Variants in MDH2 observed in about 807,000 individuals in gnomAD.
The protein encoded by MDH2 is malate dehydrogenase 2, also known as malate dehydrogenase, mitochondrial.
MDH2 carries 25 observed loss-of-function variants against 33.6 expected under a neutral mutation model. The observed-to-expected ratio is 0.74, with a 90% CI of 0.54 to 1.04. MDH2 has a LOEUF of 1.04. Among genes scored for constraint, MDH2 ranks in the 50% least tolerant of loss-of-function variants. The pLI, the probability that MDH2 is intolerant of heterozygous loss-of-function variation, is 0.00. For missense variants in MDH2, 432 were observed against 445.0 expected, an observed-to-expected ratio of 0.97 and a Z score of 0.26; for synonymous variants, 193 against 188.7, an observed-to-expected ratio of 1.02 and a Z score of -0.19.
Position 76,067,154 on chromosome 7 carries a change from A to G in MDH2, c.*744A>G, listed in dbSNP as rs782682998. On this transcript the variant is annotated 3_prime_UTR_variant, in exon 9 of 9. Transcript: ENST00000315758. ...TTTCCATCAGTGGCCTAAAGAAGGG[A>G]CTTCTTGTTGTACTGAGGAGTGCGG... 5 of 152,202 alleles carry G rather than the reference A, an allele frequency of 3.3e-5. No individual in the cohort carries two copies. Among genetic ancestry groups the G allele is most frequent in the Non-Finnish European group, 7.3e-5 (5 of 68,086 alleles). The allele number at this position is 152,202 out of a possible 1,614,324, so 9.4% of individuals were successfully genotyped here.
intron 4 of MDH2, among the ~76,000 whole-genome samples, chr7:76,060,029 C>T (rs868915283): frequency 2.0e-5 from 3 of 152,122 alleles, no homozygotes; most frequent in Admixed American, 6.5e-5. Context: ...AGCACACAGC[C>T]GCTGTGCACT....
chr7:76,055,071 T>A, intron 2 of MDH2, 73 bp downstream of exon 2: 1 of 1,494,518 alleles, frequency 6.7e-7, no homozygotes, highest in Non-Finnish European at 9.0e-7. Flanking sequence ...TGAGTAAGAT[T>A]CTTAGATGAA....
At chr7:76,052,178 T>C (rs1797646145) in intron 1 of MDH2, among the ~76,000 whole-genome samples, 1 of 152,140 alleles carries the variant, frequency 6.6e-6, no homozygotes, top group Non-Finnish European at 1.5e-5. Context: ...AGATTAATTC[T>C]TTGTTAGATA....
At chr7:76,063,095 C>T (rs1563551891) in intron 5 of MDH2, among the ~76,000 whole-genome samples, 1 of 152,128 alleles carries the variant, frequency 6.6e-6, no homozygotes, top group Non-Finnish European at 1.5e-5. Flanking sequence ...TTCTGTGGGG[C>T]CTGAAGAAAA....
intron 1 of MDH2, among the ~76,000 whole-genome samples, chr7:76,050,369 C>G (rs1234840471): frequency 2.6e-5 from 4 of 152,190 alleles, no homozygotes; most frequent in African/African-American, 9.6e-5. Flanking sequence ...AGGCCTCACG[C>G]AGAGTGAGAT....
chr7:76,055,281 C>T lies in MDH2; in HGVS notation c.235+283C>T, dbSNP rs1554586098. On this transcript the variant is annotated intron_variant, in intron 2 of 8. Transcript: ENST00000315758. ...GGGAAGAGGGAAGTGTCAGCAACCT[C>T]TGGTGAGGATTTGGGGACAGTAAGG... 2.6e-5 allele frequency among the ~76,000 whole-genome samples: 4 copies of T among 152,110 alleles called. No homozygotes were observed. The South Asian group carries it at 8.3e-4, about 32-fold the overall frequency.
At position 76,066,608 on chromosome 7, in the gene MDH2, T is replaced by G. The variant is rs1798104166; in HGVS notation, c.*198T>G. On this transcript the variant is annotated 3_prime_UTR_variant, in exon 9 of 9. Transcript: ENST00000315758. Reference sequence around the variant, plus strand: ...TGATTTTATTTTTCAAGGTCCCTTCTGTAAATGCTGTGCTTTCTTCCCTGT... The same window carrying G: ...TGATTTTATTTTTCAAGGTCCCTTCGGTAAATGCTGTGCTTTCTTCCCTGT... 1.8e-6 allele frequency: 1 copy of G among 561,516 alleles called. No homozygotes were observed. Among genetic ancestry groups the G allele is most frequent in the Admixed American group, 3.8e-5 (1 of 26,156 alleles). 34.8% of individuals were successfully genotyped at this position (561,516 alleles called of 1,614,324 possible). A position where few individuals can be genotyped will look rare whatever the true frequency, so the allele number is the denominator to read the frequency against.
At chr7:76,058,874 G>T (rs1480457618) in intron 4 of MDH2, among the ~76,000 whole-genome samples, 1 of 152,214 alleles carries the variant, frequency 6.6e-6, no homozygotes, top group African/African-American at 2.4e-5. Flanking sequence ...AGACGCATGG[G>T]TATGCTGGGC....
chr7:76,052,498 C>T (rs10251030), intron 1 of MDH2, among the ~76,000 whole-genome samples: 1 of 148,760 alleles, frequency 6.7e-6, no homozygotes, highest in Non-Finnish European at 1.5e-5. Flanking sequence ...GTGGGATTGT[C>T]TTGGCCACTC....
chr7:76,054,204 G>A (rs1563546246), intron 1 of MDH2, among the ~76,000 whole-genome samples: 1 of 152,030 alleles, frequency 6.6e-6, no homozygotes, highest in Non-Finnish European at 1.5e-5. Context: ...GACTCACCAG[G>A]AGGGTTGGAG....
Position 76,060,448 on chromosome 7 carries a change from G to GT in MDH2, c.506dup (p.Thr170AspfsTer72). On this transcript the variant is annotated frameshift_variant, in exon 5 of 9. Transcript: ENST00000315758. LOFTEE classifies it high-confidence loss of function. ...GTACAACCCCAACAAAATCTTCGGC[G>GT]TGACGACCCTGGACATCGTCAGAGC... The GT allele has an allele frequency of 3.1e-6, 5 of 1,614,126 alleles. No individual in the cohort carries two copies. Among genetic ancestry groups the GT allele is most frequent in the Non-Finnish European group, 4.2e-6 (5 of 1,180,032 alleles).
rs915570872 is a variant in MDH2, at chr7:76,048,992, G to T, written c.66+766G>T. ...GAAGCTTAAGACTGCGGGGGGGGGG[G>T]GGGGGGTCCGCATTTTTACCAGGTG... On this transcript the variant is annotated intron_variant, in intron 1 of 8. Transcript: ENST00000315758. The T allele has an allele frequency of 8.1e-4, 329 of 406,090 alleles. 32 individuals are homozygous for T. Among genetic ancestry groups the T allele is most frequent in the African/African-American group, 2.6e-3 (77 of 29,490 alleles). 25.2% of individuals were successfully genotyped at this position (406,090 alleles called of 1,614,324 possible).
At chr7:76,048,577 G>T (rs1797419680) in intron 1 of MDH2, 5 of 1,313,374 alleles carry the variant, frequency 3.8e-6, no homozygotes, top group Non-Finnish European at 4.8e-6. Flanking sequence ...TTTCTGCAGC[G>T]TTCCATTGCT....
chr7:76,063,617 G>A (rs781800379), intron 6 of MDH2, 25 bp downstream of exon 6: 1 of 1,606,434 alleles, frequency 6.2e-7, no homozygotes, highest in South Asian at 1.1e-5. Context: ...CCCTGTGAGG[G>A]GCTTCGAGGT....
chr7:76,063,402 G>C (rs1798005627), intron 5 of MDH2, 113 bp from the exon 6 acceptor site: 3 of 1,007,292 alleles, frequency 3.0e-6, no homozygotes, highest in Non-Finnish European at 4.6e-6. Flanking sequence ...AGCTGGCTCT[G>C]TTCCACCCTG....
At chr7:76,058,650 T>C (rs1177769368) in intron 4 of MDH2, among the ~76,000 whole-genome samples, 1 of 152,212 alleles carries the variant, frequency 6.6e-6, no homozygotes, top group African/African-American at 2.4e-5. Context: ...AAAAGTTATT[T>C]CTTTCCCTTT....
At chr7:76,055,251 G>C (rs1025966568) in intron 2 of MDH2, among the ~76,000 whole-genome samples, 3 of 152,156 alleles carry the variant, frequency 2.0e-5, no homozygotes, top group Non-Finnish European at 4.4e-5. Flanking sequence ...AGTAGTATGA[G>C]GATGGGGAAG....
In MDH2 at chr7:76,064,489, G is replaced by A. The variant is rs1798040882; in HGVS notation, c.733+51G>A. 2.7e-6 allele frequency: 4 copies of A among 1,469,830 alleles called. No individual in the cohort carries two copies. The South Asian group carries it at 3.6e-5, about 13-fold the overall frequency. 91.0% of individuals were successfully genotyped at this position (1,469,830 alleles called of 1,614,324 possible). A position where few individuals can be genotyped will look rare whatever the true frequency, so the allele number is the denominator to read the frequency against. On this transcript the variant is annotated intron_variant, in intron 7 of 8. Transcript: ENST00000315758. The stretch of plus-strand genomic sequence containing the variant: ...TGGGTGCCAGTGAGGCCCTGCGAGA[G>A]CTCAGGGTTGGGGAGAAATGCTGCT...
At chr7:76,060,864 C>G (rs1396301857) in intron 5 of MDH2, among the ~76,000 whole-genome samples, 1 of 151,758 alleles carries the variant, frequency 6.6e-6, no homozygotes, top group African/African-American at 2.4e-5. Flanking sequence ...GAGGATTTAC[C>G]TGTTGGCCAC....
Sources: allele counts gnomAD v4.1 joint callset (sites outside exome capture counted in the v4.1 genomes callset), GRCh38; gene constraint gnomAD v4.1.1; transcripts MANE v1.5; gene names NCBI Gene and HGNC (gene_info 2026-07-23, HGNC 2026-07-21).